The following ZFPM2 variants were observed in gnomAD, a reference collection of about 807,000 sequenced individuals.
The protein encoded by ZFPM2 is zinc finger protein, FOG family member 2.
ZFPM2 carries 20 observed loss-of-function variants against 98.6 expected under a neutral mutation model. The observed-to-expected ratio is 0.20, with a 90% CI of 0.14 to 0.29. ZFPM2 has a LOEUF of 0.29. ZFPM2 is among the 10% of genes least tolerant of loss of function. ZFPM2 has a pLI of 1.00. For synonymous variants in ZFPM2, 518 were observed against 502.7 expected (o/e 1.03, Z -0.41); for missense variants, 1,310 against 1,388.6 (o/e 0.94, Z 0.90).
intron 5 of ZFPM2, among the ~76,000 whole-genome samples, chr8:105,654,261 G>A (rs1321090973): frequency 1.3e-5 from 2 of 151,668 alleles, no homozygotes; most frequent in Non-Finnish European, 2.9e-5. Context: ...TCAAGTTGTC[G>A]ACAACCCCAT....
intron 3 of ZFPM2, among the ~76,000 whole-genome samples, chr8:105,454,601 T>A (rs1454978325): frequency 1.2e-4 from 19 of 152,342 alleles, no homozygotes; most frequent in South Asian, 8.3e-4. Flanking sequence ...CTGATCAACT[T>A]TTCCCTAATA....
chr8:105,730,776 C>CTTT (rs201573898), intron 5 of ZFPM2, among the ~76,000 whole-genome samples: 11 of 124,382 alleles, frequency 8.8e-5, no homozygotes, highest in African/African-American at 3.0e-4. Flanking sequence ...TTTCTTTTTT[C>CTTT]TTTTTTTTTT....
chr8:105,419,089 A>C (rs1443795051), intron 1 of ZFPM2, 55 bp from the exon 2 acceptor site: 7 of 1,563,684 alleles, frequency 4.5e-6, no homozygotes, highest in Middle Eastern at 1.7e-4. Context: ...TAAGGATTTT[A>C]TTTCACTGTC....
chr8:105,456,564 G>A (rs1414965980), intron 3 of ZFPM2, among the ~76,000 whole-genome samples: 1 of 152,070 alleles, frequency 6.6e-6, no homozygotes, highest in Non-Finnish European at 1.5e-5. Flanking sequence ...TTAGGGGTAT[G>A]CTTCCAGAGA....
At chr8:105,537,233 C>T (rs2130613071) in intron 3 of ZFPM2, among the ~76,000 whole-genome samples, 1 of 152,040 alleles carries the variant, frequency 6.6e-6, no homozygotes, top group East Asian at 1.9e-4. Flanking sequence ...GTATTAGTTA[C>T]CAATTCTTCC....
At chr8:105,411,858 T>G (rs1811584194) in intron 1 of ZFPM2, among the ~76,000 whole-genome samples, 1 of 151,794 alleles carries the variant, frequency 6.6e-6, no homozygotes, top group East Asian at 1.9e-4. Flanking sequence ...TCATTAGAGA[T>G]TCTAGTTCAA....
chr8:105,782,062 T>G (rs895968685), intron 5 of ZFPM2, among the ~76,000 whole-genome samples: 2 of 152,150 alleles, frequency 1.3e-5, no homozygotes, highest in African/African-American at 4.8e-5. Flanking sequence ...TTTGAACAAC[T>G]TACACTTCCA....
intron 5 of ZFPM2, among the ~76,000 whole-genome samples, chr8:105,635,260 G>A (rs2130841482): frequency 6.6e-6 from 1 of 151,960 alleles, no homozygotes; most frequent in South Asian, 2.1e-4. Flanking sequence ...AGCATACAAG[G>A]GAACAAGCAA....
At chr8:105,571,853 A>G (rs1815361225) in intron 4 of ZFPM2, among the ~76,000 whole-genome samples, 1 of 152,138 alleles carries the variant, frequency 6.6e-6, no homozygotes, top group African/African-American at 2.4e-5. Flanking sequence ...AAATATTCCC[A>G]GGATGGGATT....
chr8:105,782,652 T>G (rs1813284125), intron 5 of ZFPM2, among the ~76,000 whole-genome samples: 1 of 152,062 alleles, frequency 6.6e-6, no homozygotes, highest in South Asian at 2.1e-4. Context: ...ACTTTATGGG[T>G]TTTTTACTTG....
At chr8:105,691,649 T>A (rs1452892292) in intron 5 of ZFPM2, among the ~76,000 whole-genome samples, 1 of 152,224 alleles carries the variant, frequency 6.6e-6, no homozygotes, top group African/African-American at 2.4e-5. Flanking sequence ...TTGTTTCCTT[T>A]CTAACACTTA....
intron 5 of ZFPM2, among the ~76,000 whole-genome samples, chr8:105,714,860 G>A (rs1811481290): frequency 6.6e-6 from 1 of 152,014 alleles, no homozygotes; most frequent in African/African-American, 2.4e-5. Flanking sequence ...ATAAAAGTGT[G>A]TCTTTCTACA....
intron 5 of ZFPM2, among the ~76,000 whole-genome samples, chr8:105,765,764 G>C (rs1036265051): frequency 6.6e-6 from 1 of 151,794 alleles, no homozygotes; most frequent in African/African-American, 2.4e-5. Flanking sequence ...TCTAGCAATC[G>C]GTTCAATAAG....
intron 3 of ZFPM2, among the ~76,000 whole-genome samples, chr8:105,551,168 T>C (rs942995079): frequency 2.0e-5 from 3 of 152,196 alleles, no homozygotes; most frequent in Non-Finnish European, 2.9e-5. Context: ...AAATATATAG[T>C]ATGTTTATTG....
chr8:105,761,809 C>T (rs1423220971), intron 5 of ZFPM2, among the ~76,000 whole-genome samples: 3 of 151,740 alleles, frequency 2.0e-5, no homozygotes, highest in Admixed American at 2.0e-4. Context: ...AAAAGTTATG[C>T]GAGTTTGATA....
At position 105,318,796 on chromosome 8, in the gene ZFPM2, C is replaced by CGGCTCCCGG; in HGVS notation, c.-146_-145insGGCTCCCGG. On this transcript the variant is annotated 5_prime_UTR_variant, in exon 1 of 8. Transcript: ENST00000407775. The stretch of plus-strand genomic sequence containing the variant: ...TGAATCCGCGGCTCCCGGAGGAGCC[C>CGGCTCCCGG]AGCGCCCGGAGCACCTGGAGTCCGG... 1 of 247,428 alleles carries CGGCTCCCGG rather than the reference C, an allele frequency of 4.0e-6. No individual in the cohort carries two copies. Among genetic ancestry groups the CGGCTCCCGG allele is most frequent in the Non-Finnish European group, 6.4e-6 (1 of 155,866 alleles). The allele number at this position is 247,428 out of a possible 1,614,324, so 15.3% of individuals were successfully genotyped here.
intron 1 of ZFPM2, among the ~76,000 whole-genome samples, chr8:105,347,787 A>G (rs1363682811): frequency 6.6e-6 from 1 of 152,204 alleles, no homozygotes; most frequent in Non-Finnish European, 1.5e-5. Context: ...ATTTCAAATT[A>G]GTTGCTTGTC....
chr8:105,560,826 A>G (rs1365598418), intron 3 of ZFPM2, among the ~76,000 whole-genome samples: 1 of 152,294 alleles, frequency 6.6e-6, no homozygotes, highest in Non-Finnish European at 1.5e-5. Flanking sequence ...TACCAAATAC[A>G]GAAAAACAAG....
At chr8:105,595,777 C>T (rs1210757238) in intron 4 of ZFPM2, among the ~76,000 whole-genome samples, 1 of 151,944 alleles carries the variant, frequency 6.6e-6, no homozygotes, top group Non-Finnish European at 1.5e-5. Context: ...TTTTTTATCT[C>T]CTTCATGGCT....
Sources: allele counts gnomAD v4.1 joint callset (sites outside exome capture counted in the v4.1 genomes callset), GRCh38; gene constraint gnomAD v4.1.1; transcripts MANE v1.5; gene names NCBI Gene and HGNC (gene_info 2026-07-23, HGNC 2026-07-21).